DMRT1: variants seen among roughly 807,000 people sequenced by gnomAD.
The protein encoded by DMRT1 is doublesex- and mab-3-related transcription factor 1.
DMRT1 carries 7 observed loss-of-function variants against 32.3 expected under a neutral mutation model. The observed-to-expected ratio is 0.22, with a 90% CI of 0.12 to 0.41. The LOEUF (loss-of-function observed/expected upper bound fraction) is 0.41. DMRT1 is among the 10% of genes least tolerant of loss of function. DMRT1 has a pLI of 1.00. For missense variants in DMRT1, 625 were observed against 500.5 expected (o/e 1.25, Z -2.37); for synonymous variants, 278 against 206.1 (o/e 1.35, Z -2.99).
rs1302880707 is a variant in DMRT1, at chr9:910,574, ATAT to A, written c.823-6184_823-6182del. The stretch of plus-strand genomic sequence containing the variant: ...AACATTTTTATGGTTTTTTTTTCAG[ATAT>A]TATTGTTACTATAAAATAGGGTGGC... On this transcript the variant is annotated intron_variant, in intron 3 of 4. Transcript: ENST00000382276. Among the ~76,000 whole-genome samples the A allele has an allele frequency of 8.6e-5, 13 of 151,710 alleles. No homozygotes were observed. The East Asian group carries it at 2.5e-3, about 29-fold the overall frequency.
At position 903,665 on chromosome 9, in the gene DMRT1, G is replaced by T. The variant is rs138803934; in HGVS notation, c.822+9470G>T. Among the ~76,000 whole-genome samples, 512 of 152,274 alleles carry T rather than the reference G, an allele frequency of 3.4e-3. 4 individuals carry two copies. The highest frequency in any genetic ancestry group is 0.011 in the African/African-American group (470 of 41,540). On this transcript the variant is annotated intron_variant, in intron 3 of 4. Transcript: ENST00000382276. ...GAGAGGTTGGGTTTAGGAATATCCC[G>T]TAGCTACAGTATAGTGCACAGGAGA...
At chr9:898,713 G>C (rs73639476) in intron 3 of DMRT1, among the ~76,000 whole-genome samples, 8,555 of 152,272 alleles carry the variant, frequency 0.056, 762 homozygotes, top group African/African-American at 0.19. Context: ...AGGCCAGAAT[G>C]TGAGGTTGGG....
intron 2 of DMRT1, among the ~76,000 whole-genome samples, chr9:875,507 A>C (rs1816458982): frequency 6.6e-6 from 1 of 152,242 alleles, no homozygotes; most frequent in African/African-American, 2.4e-5. Context: ...GTAAAATTTC[A>C]GAAAGCATGT....
chr9:915,947 A>T (rs1818164656), intron 3 of DMRT1, among the ~76,000 whole-genome samples: 2 of 152,018 alleles, frequency 1.3e-5, no homozygotes, highest in Non-Finnish European at 2.9e-5. Context: ...GTTAGCCAGG[A>T]TGATCTCGAT....
chr9:892,258 T>C (rs548538444), intron 2 of DMRT1, among the ~76,000 whole-genome samples: 1 of 152,296 alleles, frequency 6.6e-6, no homozygotes, highest in South Asian at 2.1e-4. Context: ...TTTTTCACGC[T>C]CCAGGTCTTG....
Position 944,849 on chromosome 9 carries a change from A to G in DMRT1, c.968-23136A>G, listed in dbSNP as rs143600145. ...GTTTCAAACATAGGCACTATCGTGT[A>G]TTTTAGTTCTGTTAGTTACTTGCTT... On this transcript the variant is annotated intron_variant, in intron 4 of 4. Transcript: ENST00000382276. Among the ~76,000 whole-genome samples the G allele has an allele frequency of 8.2e-3, 1,253 of 152,218 alleles. 10 individuals carry two copies. The highest frequency in any genetic ancestry group is 0.027 in the South Asian group (128 of 4,822).
At chr9:921,753 C>A (rs1170059876) in intron 4 of DMRT1, among the ~76,000 whole-genome samples, 9 of 152,176 alleles carry the variant, frequency 5.9e-5, no homozygotes, top group Non-Finnish European at 1.0e-4. Flanking sequence ...TGGTGCCACC[C>A]ACCTGTAGTT....
chr9:941,335 CCCCCA>C (rs1467770707), intron 4 of DMRT1, among the ~76,000 whole-genome samples: 1 of 119,610 alleles, frequency 8.4e-6, no homozygotes, highest in Non-Finnish European at 1.6e-5. Context: ...CCCCTCCCCC[CCCCCA>C]CACATATGCA....
At chr9:883,405 C>T (rs1393156124) in intron 2 of DMRT1, among the ~76,000 whole-genome samples, 1 of 151,968 alleles carries the variant, frequency 6.6e-6, no homozygotes, top group Non-Finnish European at 1.5e-5. Flanking sequence ...TGAGATGAAT[C>T]CTCTCCCCTC....
At chr9:906,474 G>A (rs903200051) in intron 3 of DMRT1, among the ~76,000 whole-genome samples, 2 of 152,204 alleles carry the variant, frequency 1.3e-5, no homozygotes, top group Admixed American at 6.5e-5. Context: ...CTATACTGCT[G>A]ATAGGGCTAT....
At chr9:879,170 T>G (rs1002187352) in intron 2 of DMRT1, among the ~76,000 whole-genome samples, 1 of 152,204 alleles carries the variant, frequency 6.6e-6, no homozygotes, top group African/African-American at 2.4e-5. Context: ...GCTGTTAAGA[T>G]GGAAGTTCTC....
intron 4 of DMRT1, among the ~76,000 whole-genome samples, chr9:935,313 A>T (rs1554759567): frequency 6.6e-6 from 1 of 152,198 alleles, no homozygotes; most frequent in Non-Finnish European, 1.5e-5. Flanking sequence ...TTGGCAAACG[A>T]GGGGGGCAGA....
chr9:864,700 CCA>C (rs1564206763), intron 2 of DMRT1, among the ~76,000 whole-genome samples: 4 of 151,210 alleles, frequency 2.6e-5, no homozygotes, highest in Non-Finnish European at 4.4e-5. Flanking sequence ...CAGGGTTTCA[CCA>C]TGTTAGCCAG....
intron 4 of DMRT1, among the ~76,000 whole-genome samples, chr9:962,042 G>T (rs1819790876): frequency 1.3e-5 from 2 of 152,176 alleles, no homozygotes; most frequent in Admixed American, 1.3e-4. Context: ...TTTACTGCAG[G>T]ATGTTGTTAC....
chr9:856,136 C>T (rs894365317), intron 2 of DMRT1, among the ~76,000 whole-genome samples: 2 of 152,014 alleles, frequency 1.3e-5, no homozygotes, highest in Admixed American at 6.6e-5. Flanking sequence ...AGGCTGGTCT[C>T]GAATTCCTGA....
intron 4 of DMRT1, among the ~76,000 whole-genome samples, chr9:949,248 C>T (rs188596394): frequency 6.8e-4 from 103 of 152,116 alleles, no homozygotes; most frequent in African/African-American, 2.4e-3. Flanking sequence ...TACCTGTAGT[C>T]CTAGCTACTT....
At chr9:881,671 C>A (rs1816740861) in intron 2 of DMRT1, among the ~76,000 whole-genome samples, 1 of 152,248 alleles carries the variant, frequency 6.6e-6, no homozygotes, top group African/African-American at 2.4e-5. Flanking sequence ...CACAGTCAGT[C>A]AAACAAGTTC....
intron 2 of DMRT1, among the ~76,000 whole-genome samples, chr9:884,330 A>T (rs74541800): frequency 0.021 from 3,254 of 151,406 alleles, 118 homozygotes; most frequent in African/African-American, 0.075. Context: ...TTGATCCCTC[A>T]TGAAGGAGTG....
At chr9:916,964 AT>A (rs1818205434) in intron 4 of DMRT1, 57 bp downstream of exon 4, 2 of 1,588,680 alleles carry the variant, frequency 1.3e-6, no homozygotes, top group Non-Finnish European at 1.7e-6. Flanking sequence ...GCTATCCAGT[AT>A]TGGGTCATTA....
Sources: allele counts gnomAD v4.1 joint callset (sites outside exome capture counted in the v4.1 genomes callset), GRCh38; gene constraint gnomAD v4.1.1; transcripts MANE v1.5; gene names NCBI Gene and HGNC (gene_info 2026-07-23, HGNC 2026-07-21).